Variants in TRIM55 observed in about 807,000 individuals in gnomAD.
TRIM55 encodes the protein tripartite motif-containing protein 55.
A neutral mutation model predicts 60.9 loss-of-function variants in TRIM55; 50 were observed. The observed-to-expected ratio is 0.82, with a 90% CI of 0.65 to 1.04. The LOEUF (loss-of-function observed/expected upper bound fraction) is 1.04, where lower values mean the gene tolerates loss of function less well. Among genes scored for constraint, TRIM55 ranks in the 50% least tolerant of loss-of-function variants. TRIM55 has a pLI of 0.00. For missense variants in TRIM55, 681 were observed against 666.9 expected, an observed-to-expected ratio of 1.02 and a Z score of -0.23; for synonymous variants, 237 against 238.1, an observed-to-expected ratio of 1.00 and a Z score of 0.04.
intron 4 of TRIM55, among the ~76,000 whole-genome samples, chr8:66,146,536 A>C (rs1216798093): frequency 1.3e-5 from 2 of 152,188 alleles, no homozygotes; most frequent in African/African-American, 4.8e-5. Flanking sequence ...TGAATCAAAG[A>C]CTTTCTACCT....
At chr8:66,142,692 A>G (rs571008818) in intron 4 of TRIM55, among the ~76,000 whole-genome samples, 5 of 152,336 alleles carry the variant, frequency 3.3e-5, no homozygotes, top group African/African-American at 1.2e-4. Context: ...GAAGTAGTAG[A>G]AAAGAGCCTG....
chr8:66,155,552 T>C (rs1810689406), intron 9 of TRIM55: 2 of 1,215,904 alleles, frequency 1.6e-6, no homozygotes, highest in South Asian at 2.6e-5. Flanking sequence ...AAATGAAAAG[T>C]CCATTGAAAT....
chr8:66,163,105 C>G (rs1415761649), intron 9 of TRIM55, among the ~76,000 whole-genome samples: 1 of 151,954 alleles, frequency 6.6e-6, no homozygotes, highest in African/African-American at 2.4e-5. Context: ...ATGTTTGTCC[C>G]TCCCCCAGTA....
chr8:66,123,313 A>C (rs1193189042), upstream of TRIM55, among the ~76,000 whole-genome samples: 1 of 152,154 alleles, frequency 6.6e-6, no homozygotes, highest in Non-Finnish European at 1.5e-5. Flanking sequence ...GAAACTTATA[A>C]AACTACACTG....
Position 66,128,504 on chromosome 8 carries a change from C to A in TRIM55, c.341+28C>A. On this transcript the variant is annotated intron_variant, in intron 2 of 9. Transcript: ENST00000315962. ...AACACTCTTCCACTCTTCCATGTGT[C>A]AAGCCCATCTGAAACTTGTTTTTGT... The A allele has an allele frequency of 1.9e-6, 3 of 1,597,002 alleles. No individual in the cohort carries two copies. In the South Asian group the frequency reaches 3.4e-5, roughly 18 times the overall value.
At chr8:66,129,723 C>A (rs1311528607) in intron 2 of TRIM55, among the ~76,000 whole-genome samples, 1 of 152,178 alleles carries the variant, frequency 6.6e-6, no homozygotes, top group East Asian at 1.9e-4. Flanking sequence ...CTCTTAAAAA[C>A]TTAACCAGCC....
upstream of TRIM55, among the ~76,000 whole-genome samples, chr8:66,124,635 G>A (rs1563628197): frequency 6.6e-6 from 1 of 151,972 alleles, no homozygotes; most frequent in Non-Finnish European, 1.5e-5. Flanking sequence ...ATAAATATTG[G>A]TATCCCAAAA....
intron 4 of TRIM55, among the ~76,000 whole-genome samples, chr8:66,138,964 C>T (rs947805024): frequency 6.6e-6 from 1 of 152,190 alleles, no homozygotes; most frequent in Non-Finnish European, 1.5e-5. Flanking sequence ...ATACTTATCT[C>T]ATTTTAAATT....
At chr8:66,139,087 G>A (rs963393638) in intron 4 of TRIM55, among the ~76,000 whole-genome samples, 7 of 152,112 alleles carry the variant, frequency 4.6e-5, no homozygotes, top group African/African-American at 1.4e-4. Flanking sequence ...GTGAAGAGCC[G>A]AAAGAGATTA....
intron 9 of TRIM55, among the ~76,000 whole-genome samples, chr8:66,173,032 C>T (rs10105164): frequency 0.12 from 18,915 of 151,922 alleles, 2,561 homozygotes; most frequent in African/African-American, 0.34. Context: ...AGGAGTTGGA[C>T]GTGTAAAAAT....
chr8:66,162,976 C>T (rs1811133366), intron 9 of TRIM55, among the ~76,000 whole-genome samples: 1 of 152,100 alleles, frequency 6.6e-6, no homozygotes, highest in African/African-American at 2.4e-5. Context: ...TATTCCAGCA[C>T]TATTTGTTAA....
At chr8:66,113,972 G>A in the TRIM55 span, among the ~76,000 whole-genome samples, 2,981 of 152,032 alleles carry the variant, frequency 0.02, 51 homozygotes, top group Non-Finnish European at 0.031. Flanking sequence ...CGGCACCCGG[G>A]AAGCTGTGCC....
the TRIM55 span, chr8:66,114,708 C>G: frequency 4.4e-6 from 2 of 450,126 alleles, no homozygotes; most frequent in Non-Finnish European, 8.9e-6. Flanking sequence ...CATCTCAAGT[C>G]CGCAGGGCGG....
chr8:66,116,699 C>T, the TRIM55 span, among the ~76,000 whole-genome samples: 5 of 70,280 alleles, frequency 7.1e-5, no homozygotes, highest in African/African-American at 1.3e-3. Flanking sequence ...AACACCAGCC[C>T]CTGAGGCTTC....
Position 66,150,087 on chromosome 8 carries a change from G to A in TRIM55, c.838-130G>A, listed in dbSNP as rs548682826. 2.3e-5 allele frequency: 26 copies of A among 1,150,048 alleles called. No homozygotes were observed. In the African/African-American group the frequency reaches 3.6e-4, roughly 16 times the overall value. 71.2% of individuals were successfully genotyped at this position (1,150,048 alleles called of 1,614,324 possible). ...TAAATCTAATAGGGTTCTGTTATAAGACAGCAGTTATTTATGACATTTAGA... is the reference window on the plus strand; with the variant it reads ...TAAATCTAATAGGGTTCTGTTATAAAACAGCAGTTATTTATGACATTTAGA... On this transcript the variant is annotated intron_variant, in intron 5 of 9. Coordinates refer to ENST00000315962, the MANE Select transcript of TRIM55 (RefSeq NM_184085.2).
chr8:66,156,268 G>A (rs1362597146), intron 9 of TRIM55, among the ~76,000 whole-genome samples: 7 of 152,204 alleles, frequency 4.6e-5, no homozygotes, highest in Admixed American at 2.0e-4. Flanking sequence ...TCCTGGGAGA[G>A]GAGGTCCCTG....
chr8:66,114,428 T>C, the TRIM55 span: 1 of 425,728 alleles, frequency 2.3e-6, no homozygotes, highest in Non-Finnish European at 4.7e-6. Flanking sequence ...TAGCTTTAAA[T>C]TTTTAGACCC....
chr8:66,119,700 A>T, the TRIM55 span, among the ~76,000 whole-genome samples: 1 of 152,202 alleles, frequency 6.6e-6, no homozygotes, highest in Non-Finnish European at 1.5e-5. Context: ...AAAGACGGTG[A>T]CCCAGTTCTT....
intron 4 of TRIM55, among the ~76,000 whole-genome samples, chr8:66,141,579 T>A (rs1359246728): frequency 6.6e-6 from 1 of 152,208 alleles, no homozygotes; most frequent in African/African-American, 2.4e-5. Flanking sequence ...GAGAACATAA[T>A]CTACCTCTTG....
Sources: allele counts gnomAD v4.1 joint callset (sites outside exome capture counted in the v4.1 genomes callset), GRCh38; gene constraint gnomAD v4.1.1; transcripts MANE v1.5; gene names NCBI Gene and HGNC (gene_info 2026-07-23, HGNC 2026-07-21).